KPNA1: variants seen among roughly 807,000 people sequenced by gnomAD.
KPNA1 encodes the protein importin subunit alpha-5.
In KPNA1, 10 loss-of-function variants were observed where a neutral mutation model predicts 70.5. The observed-to-expected ratio is 0.14, with a 90% CI of 0.09 to 0.24. The LOEUF (loss-of-function observed/expected upper bound fraction) is 0.24, where lower values mean the gene tolerates loss of function less well. KPNA1 is among the 10% of genes least tolerant of loss of function. The pLI, the probability that KPNA1 is intolerant of heterozygous loss-of-function variation, is 1.00. For missense variants in KPNA1, 397 were observed against 637.9 expected (o/e 0.62, Z 4.07); for synonymous variants, 192 against 221.9 (o/e 0.87, Z 1.20).
chr3:122,453,987 C>G lies in KPNA1; in HGVS notation c.447G>C (p.Trp149Cys). 1 of 1,600,448 alleles carries G rather than the reference C, an allele frequency of 6.2e-7. No individual in the cohort carries two copies. The highest frequency in any genetic ancestry group is 8.5e-7 in the Non-Finnish European group (1 of 1,172,446). ...TTCCTGAAGCAATATTTGTCAGTAC[C>G]CAAGCTGATTCAAACTATAAAGATA... Reference protein sequence around the residue: ...ENCTLQFESAWVLTNIASGNS... With the variant: ...ENCTLQFESACVLTNIASGNS... The change falls in exon 6 of 14, where the codon TGG becomes TGC. Residue 149 changes from tryptophan (W) to cysteine (C), a missense_variant. By Grantham distance (215) the Trp-to-Cys change is radical. Transcript: ENST00000344337.
chr3:122,462,944 C>T (rs867157952), intron 4 of KPNA1, among the ~76,000 whole-genome samples: 11 of 152,178 alleles, frequency 7.2e-5, no homozygotes, highest in Admixed American at 2.6e-4. Flanking sequence ...ACTTACCAGC[C>T]GGGTGCGGTG....
chr3:122,471,805 C>T (rs370226216), intron 2 of KPNA1, among the ~76,000 whole-genome samples: 8 of 152,266 alleles, frequency 5.3e-5, no homozygotes, highest in East Asian at 3.9e-4. Context: ...AAAAAGAAAG[C>T]GGAGTTGTCC....
chr3:122,491,436 A>C (rs566258167), intron 2 of KPNA1, among the ~76,000 whole-genome samples: 1 of 152,266 alleles, frequency 6.6e-6, no homozygotes, highest in South Asian at 2.1e-4. Context: ...AAGATATGTT[A>C]AATGTTATTA....
chr3:122,498,527 A>C (rs1270770436), intron 1 of KPNA1, among the ~76,000 whole-genome samples: 7 of 152,190 alleles, frequency 4.6e-5, no homozygotes, highest in Non-Finnish European at 8.8e-5. Flanking sequence ...ACGGACCATG[A>C]CAGCACCTTG....
At chr3:122,501,418 T>G (rs945855019) in intron 1 of KPNA1, among the ~76,000 whole-genome samples, 1 of 152,220 alleles carries the variant, frequency 6.6e-6, no homozygotes, top group South Asian at 2.1e-4. Context: ...GATGTCTTCA[T>G]TTTCATTTAT....
intron 9 of KPNA1, among the ~76,000 whole-genome samples, chr3:122,443,352 A>G (rs948148450): frequency 6.6e-6 from 1 of 152,148 alleles, no homozygotes; most frequent in African/African-American, 2.4e-5. Flanking sequence ...TACTATCTCT[A>G]TACACTCCAC....
chr3:122,428,800 C>T lies in KPNA1; in HGVS notation c.1251-1084G>A, dbSNP rs147725506. On this transcript the variant is annotated intron_variant, in intron 12 of 13. Transcript: ENST00000344337. ...ACTGGTGAATTCTGGCAAACATTTA[C>T]GGACAAAACGATACTAGTATTCTAC... Among the ~76,000 whole-genome samples the T allele has an allele frequency of 2.6e-3, 392 of 151,580 alleles. 3 individuals are homozygous for T. Among genetic ancestry groups the T allele is most frequent in the African/African-American group, 9.2e-3 (381 of 41,402 alleles).
intron 13 of KPNA1, 27 bp downstream of exon 13, chr3:122,427,511 T>C (rs1286405307): frequency 6.3e-7 from 1 of 1,599,196 alleles, no homozygotes; most frequent in South Asian, 1.1e-5. Flanking sequence ...TTCTTGGCCA[T>C]AAACTTCTTC....
intron 2 of KPNA1, among the ~76,000 whole-genome samples, chr3:122,487,329 C>T (rs2076640785): frequency 6.6e-6 from 1 of 152,140 alleles, no homozygotes; most frequent in Non-Finnish European, 1.5e-5. Flanking sequence ...AAAACGTGTA[C>T]CCACTATGAA....
At chr3:122,496,319 A>AAC (rs9289194) in intron 2 of KPNA1, 118 bp downstream of exon 2, 149,990 of 438,474 alleles carry the variant, frequency 0.34, 12,682 homozygotes, top group Admixed American at 0.41. Flanking sequence ...AGAAGGGGAA[A>AAC]ACACACACAC....
chr3:122,447,222 A>C (rs2076149822), intron 9 of KPNA1, among the ~76,000 whole-genome samples: 1 of 152,210 alleles, frequency 6.6e-6, no homozygotes, highest in Non-Finnish European at 1.5e-5. Flanking sequence ...AACAACAAAA[A>C]AGAAAATTTT....
intron 2 of KPNA1, among the ~76,000 whole-genome samples, chr3:122,482,775 A>C (rs73855777): frequency 0.069 from 10,561 of 152,296 alleles, 1,206 homozygotes; most frequent in African/African-American, 0.24. Context: ...GAAAAATCTG[A>C]CAAAAGATAA....
rs565577586 is a variant in KPNA1, at chr3:122,461,766, G to T, written c.338-448C>A. Among the ~76,000 whole-genome samples the T allele has an allele frequency of 4.6e-5, 7 of 152,280 alleles. No homozygotes were observed. The South Asian group carries it at 1.5e-3, about 32-fold the overall frequency. On this transcript the variant is annotated intron_variant, in intron 4 of 13. Coordinates refer to ENST00000344337, the MANE Select transcript of KPNA1 (RefSeq NM_002264.4). ...GCCTGCAGAATTTAATTTTGTACCT[G>T]TAGGAGCTAGCAAGAATTCACGAAG...
intron 2 of KPNA1, among the ~76,000 whole-genome samples, chr3:122,491,850 ATTTTTTTTTTTTTT>A (rs67916227): frequency 1.5e-4 from 10 of 64,826 alleles, no homozygotes; most frequent in African/African-American, 3.4e-4. Context: ...TGACCATCAC[ATTTTTTTTTTTTTT>A]TTTTTTTTTT....
chr3:122,449,474 A>G, intron 9 of KPNA1, 100 bp downstream of exon 9: 1 of 958,118 alleles, frequency 1.0e-6, no homozygotes, highest in Non-Finnish European at 1.5e-6. Context: ...AGCACAATAA[A>G]TCAATTATCA....
Position 122,461,299 on chromosome 3 carries a change from A to T in KPNA1, c.357T>A (p.Asp119Glu). ...CTACTCCTGGTGTGCTGATAACTTCATCAATAGGAGGGTTAGGTTCTGTTT... is the reference window on the plus strand; with the variant it reads ...CTACTCCTGGTGTGCTGATAACTTCTTCAATAGGAGGGTTAGGTTCTGTTT... Reference protein sequence around the residue: ...LLSKEPNPPIDEVISTPGVVA... With the variant: ...LLSKEPNPPIEEVISTPGVVA... The change falls in exon 5 of 14, where the codon GAT becomes GAA. Residue 119 changes from aspartate to glutamate, a missense_variant. Physicochemically the swap from Asp to Glu is conservative, Grantham distance 45. Transcript: ENST00000344337. The T allele has an allele frequency of 6.2e-7, 1 of 1,612,000 alleles. No individual in the cohort carries two copies. Among genetic ancestry groups the T allele is most frequent in the Non-Finnish European group, 8.5e-7 (1 of 1,178,624 alleles).
intron 8 of KPNA1, among the ~76,000 whole-genome samples, chr3:122,450,417 A>G (rs1189543421): frequency 2.6e-5 from 4 of 152,190 alleles, no homozygotes; most frequent in Non-Finnish European, 4.4e-5. Context: ...CCCCGTCTCT[A>G]CTAAAAATAC....
At chr3:122,500,724 G>C (rs6765287) in intron 1 of KPNA1, among the ~76,000 whole-genome samples, 33,988 of 151,716 alleles carry the variant, frequency 0.22, 4,209 homozygotes, top group Non-Finnish European at 0.27. Context: ...AACTGGTCTC[G>C]AACTCCTGGG....
intron 2 of KPNA1, among the ~76,000 whole-genome samples, chr3:122,479,004 A>C (rs184407826): frequency 6.6e-6 from 1 of 152,018 alleles, no homozygotes; most frequent in Non-Finnish European, 1.5e-5. Flanking sequence ...ACAACACCAC[A>C]GGCATGATCC....
Sources: gnomAD v4.1 joint callset for allele counts (sites outside exome capture counted in the v4.1 genomes callset) on GRCh38, gnomAD v4.1.1 for gene constraint, MANE v1.5 for transcripts, NCBI Gene and HGNC (gene_info 2026-07-23, HGNC 2026-07-21) for gene names.